The following MCPH1 variants were observed in gnomAD, a reference collection of about 807,000 sequenced individuals.
MCPH1 encodes the protein microcephalin 1.
Under a neutral mutation model 84.5 loss-of-function variants are expected in MCPH1, and 104 were observed. The ratio of observed to expected loss-of-function variants is 1.23; its 90% CI spans 1.05 to 1.45. The LOEUF (loss-of-function observed/expected upper bound fraction) is 1.45. Among genes scored for constraint, MCPH1 ranks in the 40% most tolerant of loss-of-function variants. MCPH1 has a pLI of 0.00. For synonymous variants in MCPH1, 514 were observed against 366.8 expected, an observed-to-expected ratio of 1.40 and a Z score of -4.58; for missense variants, 1,498 against 1,005.7, an observed-to-expected ratio of 1.49 and a Z score of -6.62.
At chr8:6,510,600 G>A (rs1201005623) in intron 12 of MCPH1, among the ~76,000 whole-genome samples, 1 of 152,172 alleles carries the variant, frequency 6.6e-6, no homozygotes, top group Non-Finnish European at 1.5e-5. Flanking sequence ...CTTTGTTTTG[G>A]CACTGAAAGT....
At chr8:6,516,454 C>T (rs1231204655) in intron 12 of MCPH1, among the ~76,000 whole-genome samples, 1 of 152,088 alleles carries the variant, frequency 6.6e-6, no homozygotes, top group Non-Finnish European at 1.5e-5. Flanking sequence ...TTTTTTTCCA[C>T]TGACATCATG....
At chr8:6,412,454 G>A (rs547590453) in intron 2 of MCPH1, among the ~76,000 whole-genome samples, 3 of 152,308 alleles carry the variant, frequency 2.0e-5, no homozygotes, top group South Asian at 2.1e-4. Flanking sequence ...CGTTAACATC[G>A]TAAGATTTGG....
chr8:6,463,120 T>A (rs1196952929), intron 9 of MCPH1, among the ~76,000 whole-genome samples: 1 of 152,198 alleles, frequency 6.6e-6, no homozygotes. Flanking sequence ...TAAAAGCTCC[T>A]TCAGTGATTC....
chr8:6,559,726 T>G (rs1049574252), intron 12 of MCPH1, among the ~76,000 whole-genome samples: 1 of 152,202 alleles, frequency 6.6e-6, no homozygotes, highest in African/African-American at 2.4e-5. Flanking sequence ...TTTTGCTAAA[T>G]TATTTGTGAG....
chr8:6,488,614 G>A (rs1563277335), intron 11 of MCPH1, among the ~76,000 whole-genome samples: 1 of 152,306 alleles, frequency 6.6e-6, no homozygotes, highest in East Asian at 1.9e-4. Context: ...CAGTGCCCGG[G>A]TCCTAAGGCT....
At chr8:6,511,899 C>CTTTTTTTTTTTTT (rs34089402) in intron 12 of MCPH1, among the ~76,000 whole-genome samples, 1 of 141,954 alleles carries the variant, frequency 7.0e-6, no homozygotes. Context: ...TTTTGTGCTT[C>CTTTTTTTTTTTTT]TTTTTTTTTT....
At chr8:6,604,190 GT>G (rs1184762292) in intron 12 of MCPH1, among the ~76,000 whole-genome samples, 1 of 51,914 alleles carries the variant, frequency 1.9e-5, no homozygotes, top group Non-Finnish European at 6.5e-5. Context: ...GGCCTTCCAG[GT>G]TTGCACTGGA....
At chr8:6,534,571 A>T (rs1820162099) in intron 12 of MCPH1, among the ~76,000 whole-genome samples, 1 of 152,228 alleles carries the variant, frequency 6.6e-6, no homozygotes, top group African/African-American at 2.4e-5. Flanking sequence ...ATCTGGCTGA[A>T]GCCTTAGTTT....
chr8:6,471,792 T>G (rs1280262904), intron 9 of MCPH1, among the ~76,000 whole-genome samples: 2 of 152,176 alleles, frequency 1.3e-5, no homozygotes, highest in Non-Finnish European at 2.9e-5. Flanking sequence ...GCATAGTTCT[T>G]CTCCACGGGG....
At chr8:6,528,623 G>C (rs1025392181) in intron 12 of MCPH1, among the ~76,000 whole-genome samples, 1 of 152,274 alleles carries the variant, frequency 6.6e-6, no homozygotes, top group African/African-American at 2.4e-5. Flanking sequence ...CGTGGCATGA[G>C]CAGTGCGGCT....
At chr8:6,628,002 G>T (rs2059535) in intron 13 of MCPH1, among the ~76,000 whole-genome samples, 3 of 151,944 alleles carry the variant, frequency 2.0e-5, no homozygotes, top group Non-Finnish European at 2.9e-5. Flanking sequence ...GCTTTGGAAA[G>T]GTTTGCTCAG....
chr8:6,422,636 A>G lies in MCPH1; in HGVS notation c.233+7753A>G, dbSNP rs866925643. On this transcript the variant is annotated intron_variant, in intron 3 of 13. Coordinates refer to ENST00000344683, the MANE Select transcript of MCPH1 (RefSeq NM_024596.5). Reference sequence around the variant, plus strand: ...CCACCACTAACCCCAGCCTTTCTCAAGGGGCTCATGCAGACCCCATAATAC... The same window carrying G: ...CCACCACTAACCCCAGCCTTTCTCAGGGGGCTCATGCAGACCCCATAATAC... Among the ~76,000 whole-genome samples, 50 of 152,278 alleles carry G rather than the reference A, an allele frequency of 3.3e-4. 1 individual carries two copies. Among genetic ancestry groups the G allele is most frequent in the African/African-American group, 1.0e-3 (42 of 41,560 alleles).
At chr8:6,408,897 T>TC (rs980469482) in intron 1 of MCPH1, among the ~76,000 whole-genome samples, 52 of 82,686 alleles carry the variant, frequency 6.3e-4, no homozygotes, top group African/African-American at 1.4e-3. Flanking sequence ...TTTTCTTTTT[T>TC]TTTTTTTGAA....
intron 12 of MCPH1, among the ~76,000 whole-genome samples, chr8:6,522,157 T>C (rs1029209285): frequency 2.0e-4 from 30 of 150,966 alleles, no homozygotes; most frequent in South Asian, 1.5e-3. Context: ...AGATTGAGAG[T>C]ATCCTGGCTA....
chr8:6,553,145 C>T (rs1823959197), intron 12 of MCPH1, among the ~76,000 whole-genome samples: 2 of 152,094 alleles, frequency 1.3e-5, no homozygotes, highest in Non-Finnish European at 1.5e-5. Flanking sequence ...GTAACCAGTG[C>T]ACCACTCTGG....
intron 12 of MCPH1, among the ~76,000 whole-genome samples, chr8:6,600,615 G>A (rs543711966): frequency 6.6e-6 from 1 of 152,344 alleles, no homozygotes; most frequent in South Asian, 2.1e-4. Flanking sequence ...TACAATACAT[G>A]TGACAAGAGA....
chr8:6,491,534 TTACA>T lies in MCPH1; in HGVS notation c.2137-8315_2137-8312del, dbSNP rs748007112. ...TACATGTGCACAACATGCAGGTTTG[TTACA>T]TATGTATGCATGTGCCATGCTGGTG... On this transcript the variant is annotated intron_variant, in intron 11 of 13. Coordinates refer to ENST00000344683, the MANE Select transcript of MCPH1 (RefSeq NM_024596.5). Among the ~76,000 whole-genome samples the T allele has an allele frequency of 7.2e-5, 11 of 152,038 alleles. No individual in the cohort carries two copies. In the East Asian group the frequency reaches 7.7e-4, roughly 11 times the overall value.
intron 8 of MCPH1, chr8:6,445,934 A>G (rs1269818396): frequency 4.0e-6 from 4 of 988,138 alleles, no homozygotes; most frequent in Non-Finnish European, 4.8e-6. Context: ...TAGGTTCTTA[A>G]TAGTGAGGCT....
In MCPH1 at chr8:6,414,889, C is replaced by T; in HGVS notation, c.233+6C>T. Reference sequence around the variant, plus strand: ...TCGGTGCTCTGGGTGGAAAAGTAAGCAGTTTCTCTCTTACTTTTTTTCCTT... The same window carrying T: ...TCGGTGCTCTGGGTGGAAAAGTAAGTAGTTTCTCTCTTACTTTTTTTCCTT... On this transcript the variant is annotated splice_donor_region_variant and intron_variant, in intron 3 of 13. Coordinates refer to ENST00000344683, the MANE Select transcript of MCPH1 (RefSeq NM_024596.5). 2 of 1,612,712 alleles carry T rather than the reference C, an allele frequency of 1.2e-6. No individual in the cohort carries two copies. The highest frequency in any genetic ancestry group is 1.7e-6 in the Non-Finnish European group (2 of 1,179,314).
Sources: allele counts gnomAD v4.1 joint callset (sites outside exome capture counted in the v4.1 genomes callset), GRCh38; gene constraint gnomAD v4.1.1; transcripts MANE v1.5; gene names NCBI Gene and HGNC (gene_info 2026-07-23, HGNC 2026-07-21).